The following RORA variants were observed in gnomAD, a reference collection of about 807,000 sequenced individuals.
The protein encoded by RORA is nuclear receptor ROR-alpha.
In RORA, 7 loss-of-function variants were observed where a neutral mutation model predicts 69.5. The ratio of observed to expected loss-of-function variants is 0.10; its 90% CI spans 0.06 to 0.19. The LOEUF is 0.19. Ranked by LOEUF, RORA falls within the 10% of genes least tolerant of loss-of-function variation. The pLI, the probability that RORA is intolerant of heterozygous loss-of-function variation, is 1.00. For synonymous variants in RORA, 261 were observed against 240.8 expected (o/e 1.08, Z -0.78); for missense variants, 457 against 663.0 (o/e 0.69, Z 3.41).
intron 2 of RORA, among the ~76,000 whole-genome samples, chr15:60,638,634 T>C (rs1443803408): frequency 6.6e-6 from 1 of 152,162 alleles, no homozygotes; most frequent in Non-Finnish European, 1.5e-5. Flanking sequence ...CCGAATAAGA[T>C]TTCACCCAAA....
At chr15:61,219,839 G>C (rs1567042748) in intron 1 of RORA, among the ~76,000 whole-genome samples, 1 of 152,210 alleles carries the variant, frequency 6.6e-6, no homozygotes, top group African/African-American at 2.4e-5. Flanking sequence ...AGCATCATGA[G>C]TGAGTATCAC....
intron 1 of RORA, among the ~76,000 whole-genome samples, chr15:60,806,889 A>C (rs1169369518): frequency 1.3e-5 from 2 of 152,178 alleles, no homozygotes; most frequent in Non-Finnish European, 2.9e-5. Context: ...CTGTCTATTT[A>C]GAAAAAGTCA....
At position 60,945,113 on chromosome 15, in the gene RORA, C is replaced by T. The variant is rs903266328; in HGVS notation, c.167-266427G>A. On this transcript the variant is annotated intron_variant, in intron 1 of 10. Coordinates refer to ENST00000335670, the MANE Select transcript of RORA (RefSeq NM_134261.3). ...TATAGTTTAATATACCCAGCAAATC[C>T]AGCAATATGGGGCTGGACCACCCCA... Among the ~76,000 whole-genome samples the T allele has an allele frequency of 2.0e-5, 3 of 152,168 alleles. No homozygotes were observed. In the East Asian group the frequency reaches 5.8e-4, roughly 29 times the overall value.
At chr15:61,209,223 T>C (rs1022524070) in intron 1 of RORA, among the ~76,000 whole-genome samples, 5 of 151,422 alleles carry the variant, frequency 3.3e-5, no homozygotes, top group Admixed American at 3.3e-4. Context: ...AAAATTAAAA[T>C]GTGATCCAAT....
intron 2 of RORA, among the ~76,000 whole-genome samples, chr15:60,649,172 A>T (rs1391343047): frequency 6.6e-6 from 1 of 151,942 alleles, no homozygotes; most frequent in Admixed American, 6.6e-5. Context: ...TGACTCACAT[A>T]CACTGGCTGA....
Position 60,624,503 on chromosome 15 carries a change from GTA to G in RORA, c.196+54152_196+54153del, listed in dbSNP as rs1272603298. 7.9e-3 allele frequency among the ~76,000 whole-genome samples: 426 copies of G among 53,890 alleles called. 2 individuals carry two copies. The highest frequency in any genetic ancestry group is 0.032 in the East Asian group (52 of 1,604). 35.4% of individuals were successfully genotyped at this position (53,890 alleles called of 152,430 possible). A position where few individuals can be genotyped will look rare whatever the true frequency, so the allele number is the denominator to read the frequency against. On this transcript the variant is annotated intron_variant, in intron 2 of 10. Coordinates refer to ENST00000335670, the MANE Select transcript of RORA (RefSeq NM_134261.3). ...ATATATATATATATATATATTTGCT[GTA>G]TGTGTGTGTATATATATATATAGTA...
chr15:61,114,391 T>A (rs145816001), intron 1 of RORA, among the ~76,000 whole-genome samples: 201 of 152,280 alleles, frequency 1.3e-3, no homozygotes, highest in Admixed American at 3.4e-3. Flanking sequence ...TATCCCCTAT[T>A]CCATGAAAAA....
chr15:60,689,169 C>G (rs990960852), intron 1 of RORA, among the ~76,000 whole-genome samples: 2 of 152,108 alleles, frequency 1.3e-5, no homozygotes, highest in African/African-American at 4.8e-5. Context: ...GTAAGGATAC[C>G]TTTTTCATGA....
At chr15:60,612,811 A>G (rs1056663782) in intron 2 of RORA, among the ~76,000 whole-genome samples, 1 of 151,990 alleles carries the variant, frequency 6.6e-6, no homozygotes, top group South Asian at 2.1e-4. Context: ...GCAGTCTCCT[A>G]GTACTCTCCT....
intron 1 of RORA, among the ~76,000 whole-genome samples, chr15:60,890,939 G>C (rs748856941): frequency 5.3e-5 from 8 of 152,192 alleles, no homozygotes; most frequent in Non-Finnish European, 7.3e-5. Flanking sequence ...CTTTCAAAGG[G>C]AATTAAGTAG....
chr15:60,512,875 G>C (rs1199020806), intron 4 of RORA, among the ~76,000 whole-genome samples: 1 of 152,154 alleles, frequency 6.6e-6, no homozygotes, highest in African/African-American at 2.4e-5. Context: ...AAAACCCTAT[G>C]ATTTCCTGGT....
intron 1 of RORA, among the ~76,000 whole-genome samples, chr15:60,979,167 T>C (rs1442901860): frequency 6.6e-6 from 1 of 151,710 alleles, no homozygotes; most frequent in Non-Finnish European, 1.5e-5. Context: ...GGTTTCACCA[T>C]GCTAGCCAGG....
chr15:60,743,305 G>A (rs557684235), intron 1 of RORA, among the ~76,000 whole-genome samples: 13 of 152,178 alleles, frequency 8.5e-5, no homozygotes, highest in East Asian at 1.9e-4. Context: ...GTGAGCCACC[G>A]CACCCGGCTG....
At chr15:60,722,633 G>C (rs1330737062) in intron 1 of RORA, among the ~76,000 whole-genome samples, 3 of 152,184 alleles carry the variant, frequency 2.0e-5, no homozygotes, top group Admixed American at 2.0e-4. Flanking sequence ...TGGTTCAGCT[G>C]ACTTCCCTGG....
At chr15:60,677,580 C>CTT (rs71122869) in intron 2 of RORA, among the ~76,000 whole-genome samples, 17 of 139,514 alleles carry the variant, frequency 1.2e-4, no homozygotes, top group South Asian at 4.8e-4. Flanking sequence ...TTGGTTTTTT[C>CTT]TTTTTTTTTT....
At chr15:60,574,831 T>G (rs1428557052) in intron 2 of RORA, among the ~76,000 whole-genome samples, 2 of 152,224 alleles carry the variant, frequency 1.3e-5, no homozygotes, top group Admixed American at 6.5e-5. Flanking sequence ...TTTCTGGGAC[T>G]TAAGCCTTAT....
chr15:61,165,775 C>T (rs996627023), intron 1 of RORA, among the ~76,000 whole-genome samples: 2 of 152,182 alleles, frequency 1.3e-5, no homozygotes, highest in African/African-American at 2.4e-5. Context: ...TTCTTAGTTG[C>T]ACAGGGCATG....
chr15:61,199,245 G>A (rs1050955290), intron 1 of RORA, among the ~76,000 whole-genome samples: 1 of 151,102 alleles, frequency 6.6e-6, no homozygotes, highest in Non-Finnish European at 1.5e-5. Flanking sequence ...AGTGCCAATA[G>A]GGGCAGGAAA....
chr15:60,976,630 A>G (rs1263209553), intron 1 of RORA, among the ~76,000 whole-genome samples: 3 of 152,186 alleles, frequency 2.0e-5, no homozygotes, highest in African/African-American at 7.2e-5. Flanking sequence ...AGCCCTGGTC[A>G]ATCCCAAAGT....
Sources: gnomAD v4.1 joint callset for allele counts (sites outside exome capture counted in the v4.1 genomes callset) on GRCh38, gnomAD v4.1.1 for gene constraint, MANE v1.5 for transcripts, NCBI Gene and HGNC (gene_info 2026-07-23, HGNC 2026-07-21) for gene names.